PRKN: variants seen among roughly 807,000 people sequenced by gnomAD.
PRKN encodes E3 ubiquitin-protein ligase parkin.
A neutral mutation model predicts 59.5 loss-of-function variants in PRKN; 56 were observed. That is an observed-to-expected ratio of 0.94 (90% CI 0.76 to 1.18). The LOEUF (loss-of-function observed/expected upper bound fraction) is 1.18. PRKN is among the 50% of genes most tolerant of loss of function. The pLI is 0.00. For synonymous variants in PRKN, 250 were observed against 222.1 expected, an observed-to-expected ratio of 1.13 and a Z score of -1.12; for missense variants, 657 against 596.4, an observed-to-expected ratio of 1.10 and a Z score of -1.06.
rs531196272 is a variant in PRKN, at chr6:161,458,198, G to A, written c.1084-71321C>T. On this transcript the variant is annotated intron_variant, in intron 9 of 11. Transcript: ENST00000366898. This position sits in a 1 kb window ranked among gnomAD's most constrained non-coding sequence, Gnocchi z 6.1. ...AACATAAATAAATCTTAGTGCAGCT[G>A]CTTATCGAGCTAAAGAAGGCCTGGT... is the stretch of plus-strand genomic sequence containing the variant. Among the ~76,000 whole-genome samples the A allele has an allele frequency of 6.6e-6, 1 of 152,310 alleles. No individual in the cohort carries two copies. Among genetic ancestry groups the A allele is most frequent in the South Asian group, 2.1e-4 (1 of 4,830 alleles).
At chr6:162,510,630 T>C (rs368460975) in intron 1 of PRKN, among the ~76,000 whole-genome samples, 1 of 152,120 alleles carries the variant, frequency 6.6e-6, no homozygotes, top group Non-Finnish European at 1.5e-5. Context: ...TTAAAACTTA[T>C]TTATACTGCA....
At chr6:161,617,975 C>T (rs1782757231) in intron 7 of PRKN, among the ~76,000 whole-genome samples, 1 of 152,206 alleles carries the variant, frequency 6.6e-6, no homozygotes, top group South Asian at 2.1e-4. Context: ...TCACCTAAAT[C>T]TGACCAAAAT....
chr6:162,588,298 G>A (rs905879788), intron 1 of PRKN, among the ~76,000 whole-genome samples: 6 of 151,034 alleles, frequency 4.0e-5, no homozygotes, highest in African/African-American at 4.9e-5. Context: ...GGTGTGCACC[G>A]CGGCGCCCAC....
intron 1 of PRKN, chr6:162,569,387 C>T (rs1209938539): frequency 1.5e-6 from 1 of 662,892 alleles, no homozygotes; most frequent in African/African-American, 1.8e-5. Context: ...GGCGTGGCAG[C>T]TGCATGAGTA....
intron 4 of PRKN, among the ~76,000 whole-genome samples, chr6:162,095,898 T>C (rs926022743): frequency 8.5e-5 from 13 of 152,166 alleles, no homozygotes; most frequent in African/African-American, 3.1e-4. Flanking sequence ...GTTCAGAGTG[T>C]CATCGAGAGG....
At chr6:162,101,876 GT>G (rs1779984913) in intron 4 of PRKN, among the ~76,000 whole-genome samples, 1 of 152,134 alleles carries the variant, frequency 6.6e-6, no homozygotes. Flanking sequence ...AAACTTTACT[GT>G]GTATTTCCTA....
intron 7 of PRKN, chr6:161,783,606 T>TA (rs1331884649): frequency 2.0e-6 from 1 of 492,090 alleles, no homozygotes; most frequent in Non-Finnish European, 3.9e-6. Context: ...ACTAAAAAGA[T>TA]AGAGTGTGAA....
At chr6:162,581,809 A>C (rs2128211470) in intron 1 of PRKN, among the ~76,000 whole-genome samples, 1 of 152,324 alleles carries the variant, frequency 6.6e-6, no homozygotes, top group East Asian at 1.9e-4. Context: ...CTCAACTAAT[A>C]GAGTTAGGTA....
intron 7 of PRKN, 80 bp from the exon 8 acceptor site, chr6:161,569,496 T>C (rs1780789577): frequency 3.4e-6 from 4 of 1,187,552 alleles, no homozygotes; most frequent in Non-Finnish European, 1.3e-6. Context: ...GTTATGACTA[T>C]CAACTGCCAG....
chr6:162,067,022 G>C (rs1222612328), intron 4 of PRKN, among the ~76,000 whole-genome samples: 1 of 152,118 alleles, frequency 6.6e-6, no homozygotes, highest in Admixed American at 6.5e-5. Flanking sequence ...ATATAACAGA[G>C]GTGTCCTGTG....
intron 4 of PRKN, among the ~76,000 whole-genome samples, chr6:162,173,624 T>G (rs1783395550): frequency 6.6e-6 from 1 of 152,070 alleles, no homozygotes; most frequent in Non-Finnish European, 1.5e-5. Flanking sequence ...CACTGTTTAC[T>G]ATTTCAAGTC....
At chr6:161,597,317 T>G (rs1279657568) in intron 7 of PRKN, among the ~76,000 whole-genome samples, 1 of 152,218 alleles carries the variant, frequency 6.6e-6, no homozygotes, top group Non-Finnish European at 1.5e-5. Context: ...TTTCTGTTAT[T>G]GTAGCTAAAG....
rs1314568843 is a variant in PRKN, at chr6:162,011,110, TATATA to T, written c.619-37698_619-37694del. Among the ~76,000 whole-genome samples, 15 of 4,480 alleles carry T rather than the reference TATATA, an allele frequency of 3.3e-3. 4 individuals are homozygous for T. Among genetic ancestry groups the T allele is most frequent in the African/African-American group, 0.011 (7 of 664 alleles). 2.9% of individuals were successfully genotyped at this position (4,480 alleles called of 152,430 possible). A position where few individuals can be genotyped will look rare whatever the true frequency, so the allele number is the denominator to read the frequency against. On this transcript the variant is annotated intron_variant, in intron 5 of 11. Transcript: ENST00000366898. ...ATTATAATATATAATATATTTATAA[TATATA>T]ATATATTTATAATATATAATTATAA...
At chr6:162,260,324 A>G (rs1318044653) in intron 3 of PRKN, among the ~76,000 whole-genome samples, 2 of 152,158 alleles carry the variant, frequency 1.3e-5, no homozygotes, top group Non-Finnish European at 2.9e-5. Flanking sequence ...ATCATAGATC[A>G]TACAGTACTC....
intron 1 of PRKN, among the ~76,000 whole-genome samples, chr6:162,445,470 T>C (rs192075121): frequency 4.3e-4 from 66 of 152,144 alleles, no homozygotes; most frequent in African/African-American, 1.6e-3. Flanking sequence ...AAGGATGACT[T>C]GAGCCCAGAA....
chr6:161,969,268 G>GTTTTTTT, intron 6 of PRKN, among the ~76,000 whole-genome samples: 1 of 133,984 alleles, frequency 7.5e-6, no homozygotes. Context: ...AGTCTTATTT[G>GTTTTTTT]TTTTTTTTTT....
Position 161,397,059 on chromosome 6 carries a change from G to C in PRKN, c.1084-10182C>G. 6.6e-6 allele frequency among the ~76,000 whole-genome samples: 1 copy of C among 152,144 alleles called. No individual in the cohort carries two copies. Among genetic ancestry groups the C allele is most frequent in the East Asian group, 1.9e-4 (1 of 5,186 alleles). ...TGCAGCCTCAGCCAAAATGATCAAG[G>C]TGTTTTCTTCCCAAGCCCTGTTTCT... On this transcript the variant is annotated intron_variant, in intron 9 of 11. Coordinates refer to ENST00000366898, the MANE Select transcript of PRKN (RefSeq NM_004562.3). The surrounding 1 kb of genome is among the most constrained non-coding windows in gnomAD (Gnocchi z 4.2).
At chr6:162,078,887 A>AATTC (rs1778943885) in intron 4 of PRKN, among the ~76,000 whole-genome samples, 1 of 6,060 alleles carries the variant, frequency 1.7e-4, no homozygotes, top group Non-Finnish European at 3.0e-4. Flanking sequence ...ATAATTAATA[A>AATTC]ATACTTTAAA....
rs1241926640 is a variant in PRKN at position 161,480,697 on chromosome 6, A to G, written c.1083+68157T>C. Among the ~76,000 whole-genome samples, 1 of 152,204 alleles carries G rather than the reference A, an allele frequency of 6.6e-6. No homozygotes were observed. The highest frequency in any genetic ancestry group is 1.5e-5 in the Non-Finnish European group (1 of 68,036). On this transcript the variant is annotated intron_variant, in intron 9 of 11. Transcript: ENST00000366898. This position sits in a 1 kb window ranked among gnomAD's most constrained non-coding sequence, Gnocchi z 4.1. ...TTCAATGGAAGGTAAGAAAGAGTTAACGTCTAACCCATTACATGCTAAGTG... is the reference window on the plus strand; with the variant it reads ...TTCAATGGAAGGTAAGAAAGAGTTAGCGTCTAACCCATTACATGCTAAGTG...
Sources: allele counts gnomAD v4.1 joint callset (sites outside exome capture counted in the v4.1 genomes callset), GRCh38; gene constraint gnomAD v4.1.1; non-coding constraint Gnocchi (gnomAD v3.1); transcripts MANE v1.5; gene names NCBI Gene and HGNC (gene_info 2026-07-23, HGNC 2026-07-21).